Variants in OR1J2 observed in about 807,000 individuals in gnomAD.
The protein encoded by OR1J2 is olfactory receptor 1J2.
For synonymous variants in OR1J2, 142 were observed against 99.7 expected (o/e 1.42, Z -2.52); for missense variants, 304 against 246.1 (o/e 1.24, Z -1.57).
the OR1J2 span, among the ~76,000 whole-genome samples, chr9:122,481,864 A>G: frequency 3.8e-4 from 58 of 152,180 alleles, no homozygotes; most frequent in African/African-American, 1.4e-3. Context: ...AATAAACTGT[A>G]AGAGGATTAA....
chr9:122,577,219 A>G, the OR1J2 span, among the ~76,000 whole-genome samples: 3 of 152,178 alleles, frequency 2.0e-5, no homozygotes, highest in African/African-American at 7.2e-5. Flanking sequence ...CTATTCATAC[A>G]CTGGTGCCTT....
the OR1J2 span, chr9:122,567,912 G>A: frequency 6.2e-7 from 1 of 1,614,006 alleles, no homozygotes; most frequent in Non-Finnish European, 8.5e-7. Flanking sequence ...GGAAGAGCAG[G>A]ACAATTTCAG....
At chr9:122,482,418 G>T in the OR1J2 span, among the ~76,000 whole-genome samples, 1 of 152,140 alleles carries the variant, frequency 6.6e-6, no homozygotes, top group African/African-American at 2.4e-5. Flanking sequence ...ATACATGGTT[G>T]GTGGGAATAT....
chr9:122,492,423 A>G, the OR1J2 span, among the ~76,000 whole-genome samples: 1 of 152,074 alleles, frequency 6.6e-6, no homozygotes, highest in African/African-American at 2.4e-5. Context: ...GGTTGGTTCC[A>G]TGTCTTTGCT....
At chr9:122,543,300 T>C in the OR1J2 span, among the ~76,000 whole-genome samples, 1 of 152,142 alleles carries the variant, frequency 6.6e-6, no homozygotes, top group African/African-American at 2.4e-5. Flanking sequence ...CCTTCTGGGC[T>C]CAAGCAACCT....
chr9:122,477,474 G>A, the OR1J2 span: 31 of 1,614,016 alleles, frequency 1.9e-5, no homozygotes, highest in South Asian at 8.8e-5. Context: ...ACGCACAAGC[G>A]ATGACCCAGG....
chr9:122,477,232 T>C, the OR1J2 span: 2 of 1,614,110 alleles, frequency 1.2e-6, no homozygotes, highest in Non-Finnish European at 1.7e-6. Flanking sequence ...GCATATGCCC[T>C]TGGTAGAGGG....
At chr9:122,568,979 G>A in the OR1J2 span, among the ~76,000 whole-genome samples, 1 of 148,882 alleles carries the variant, frequency 6.7e-6, no homozygotes, top group Non-Finnish European at 1.5e-5. Context: ...ATTTTAGATG[G>A]GGAGGTTTCA....
the OR1J2 span, among the ~76,000 whole-genome samples, chr9:122,492,185 A>G: frequency 2.6e-5 from 4 of 151,940 alleles, no homozygotes; most frequent in Non-Finnish European, 4.4e-5. Context: ...CCCAGTGTCC[A>G]TTATTGCCAC....
the OR1J2 span, among the ~76,000 whole-genome samples, chr9:122,522,034 T>C: frequency 1.3e-5 from 2 of 152,172 alleles, no homozygotes; most frequent in Non-Finnish European, 2.9e-5. Context: ...CACACTGGGG[T>C]GCACCGTATT....
At chr9:122,473,329 T>C in the OR1J2 span, among the ~76,000 whole-genome samples, 1 of 152,208 alleles carries the variant, frequency 6.6e-6, no homozygotes, top group Non-Finnish European at 1.5e-5. Context: ...TCCTGTCTCA[T>C]CTACTCAAAA....
chr9:122,577,389 A>C, the OR1J2 span, among the ~76,000 whole-genome samples: 39 of 152,348 alleles, frequency 2.6e-4, no homozygotes, highest in African/African-American at 6.7e-4. Flanking sequence ...TTTTACACAT[A>C]TGACCTCCAC....
At chr9:122,545,998 T>C in the OR1J2 span, among the ~76,000 whole-genome samples, 2 of 152,102 alleles carry the variant, frequency 1.3e-5, no homozygotes, top group African/African-American at 4.8e-5. Flanking sequence ...TTATTCCATG[T>C]CTATATCACC....
chr9:122,527,624 G>A, the OR1J2 span, among the ~76,000 whole-genome samples: 1 of 152,064 alleles, frequency 6.6e-6, no homozygotes, highest in Non-Finnish European at 1.5e-5. Context: ...GTAGACTGAG[G>A]TCAGCTAAAT....
At chr9:122,564,064 A>G in the OR1J2 span, among the ~76,000 whole-genome samples, 6 of 152,130 alleles carry the variant, frequency 3.9e-5, no homozygotes, top group African/African-American at 1.4e-4. Context: ...TCCCAAGGTA[A>G]CTGTGCATTG....
upstream of OR1J2, among the ~76,000 whole-genome samples, chr9:122,508,768 CT>C (rs1828576563): frequency 2.0e-5 from 3 of 152,268 alleles, no homozygotes; most frequent in Admixed American, 2.0e-4. Flanking sequence ...TTTTCTATTA[CT>C]GCTTTAACAA....
the OR1J2 span, among the ~76,000 whole-genome samples, chr9:122,560,873 T>A: frequency 6.6e-6 from 1 of 152,226 alleles, no homozygotes. Flanking sequence ...AATGTTGGTC[T>A]GTCTTGCTAG....
At chr9:122,499,445 G>C in the OR1J2 span, among the ~76,000 whole-genome samples, 2 of 152,126 alleles carry the variant, frequency 1.3e-5, no homozygotes. Context: ...CAGGCAAACA[G>C]GTGCTTTGAA....
At chr9:122,508,208 G>C (rs144430417), upstream of OR1J2, among the ~76,000 whole-genome samples, 8 of 151,494 alleles carry the variant, frequency 5.3e-5, no homozygotes, top group Non-Finnish European at 8.8e-5. Context: ...AGGAGGAGAA[G>C]GAGGAGGAGG....
Sources: allele counts gnomAD v4.1 joint callset (sites outside exome capture counted in the v4.1 genomes callset), GRCh38; gene constraint gnomAD v4.1.1; transcripts MANE v1.5; gene names NCBI Gene and HGNC (gene_info 2026-07-23, HGNC 2026-07-21).